The following C14orf39 variants were observed in gnomAD, a reference collection of about 807,000 sequenced individuals.
C14orf39 encodes protein SIX6OS1.
Under a neutral mutation model 85.6 loss-of-function variants are expected in C14orf39, and 66 were observed. That is an observed-to-expected ratio of 0.77 (90% CI 0.63 to 0.95). C14orf39 has a LOEUF of 0.95. Ranked by LOEUF, C14orf39 falls within the 40% of genes least tolerant of loss-of-function variation. The pLI, the probability that C14orf39 is intolerant of heterozygous loss-of-function variation, is 0.00. For missense variants in C14orf39, 735 were observed against 663.9 expected, an observed-to-expected ratio of 1.11 and a Z score of -1.18; for synonymous variants, 242 against 214.0, an observed-to-expected ratio of 1.13 and a Z score of -1.14.
intron 11 of C14orf39, among the ~76,000 whole-genome samples, chr14:60,464,186 T>G (rs1397177191): frequency 6.6e-6 from 1 of 152,174 alleles, no homozygotes; most frequent in Non-Finnish European, 1.5e-5. Flanking sequence ...GGTTACCTTC[T>G]GACCATGAAG....
At chr14:60,450,067 G>T (rs1197586221) in intron 16 of C14orf39, among the ~76,000 whole-genome samples, 1 of 152,190 alleles carries the variant, frequency 6.6e-6, no homozygotes, top group East Asian at 1.9e-4. Context: ...TCTGAGAGGT[G>T]CTGGCTTCAG....
chr14:60,442,822 A>G (rs1890585850), intron 16 of C14orf39, among the ~76,000 whole-genome samples: 1 of 152,176 alleles, frequency 6.6e-6, no homozygotes, highest in Admixed American at 6.5e-5. Flanking sequence ...CTGTTTTCTC[A>G]TAGATTTTAT....
intron 4 of C14orf39, among the ~76,000 whole-genome samples, chr14:60,479,184 T>C (rs926750342): frequency 1.3e-5 from 2 of 152,184 alleles, no homozygotes; most frequent in Admixed American, 1.3e-4. Flanking sequence ...GATGTTACTA[T>C]AATTATACAT....
chr14:60,474,386 A>T (rs139470301), intron 5 of C14orf39, among the ~76,000 whole-genome samples: 1 of 103,494 alleles, frequency 9.7e-6, no homozygotes, highest in East Asian at 3.0e-4. Context: ...ATTGAATACC[A>T]TTTATTTCTT....
At position 60,466,885 on chromosome 14, in the gene C14orf39, T is replaced by A. The variant is rs1217744335; in HGVS notation, c.895+32A>T. 8 of 1,446,060 alleles carry A rather than the reference T, an allele frequency of 5.5e-6. No individual in the cohort carries two copies. In the Admixed American group the frequency reaches 2.0e-4, roughly 35 times the overall value. The allele number at this position is 1,446,060 out of a possible 1,614,324, so 89.6% of individuals were successfully genotyped here. On this transcript the variant is annotated intron_variant, in intron 10 of 17. Coordinates refer to ENST00000321731, the MANE Select transcript of C14orf39 (RefSeq NM_174978.3). Reference sequence around the variant, plus strand: ...TTCTTCTGTGTGTTTGCAAAAAAAATGATGTTTTTGAATAACAAACAGATA... The same window carrying A: ...TTCTTCTGTGTGTTTGCAAAAAAAAAGATGTTTTTGAATAACAAACAGATA...
intron 9 of C14orf39, 117 bp from the exon 10 acceptor site, chr14:60,467,161 A>G (rs910359916): frequency 4.7e-6 from 2 of 426,548 alleles, no homozygotes; most frequent in African/African-American, 4.1e-5. Context: ...AGATAATAAA[A>G]CTGAGTTCCA....
At chr14:60,477,856 AG>A (rs1426634424) in intron 5 of C14orf39, among the ~76,000 whole-genome samples, 1 of 152,088 alleles carries the variant, frequency 6.6e-6, no homozygotes, top group Non-Finnish European at 1.5e-5. Flanking sequence ...ACTGCACCCA[AG>A]GAGTCCAAAA....
chr14:60,456,198 A>C (rs1475238619), intron 15 of C14orf39, among the ~76,000 whole-genome samples: 1 of 152,098 alleles, frequency 6.6e-6, no homozygotes. Context: ...AAGATAATGG[A>C]CTAAACATAA....
At chr14:60,481,148 T>A (rs1282546300) in intron 4 of C14orf39, among the ~76,000 whole-genome samples, 2 of 152,202 alleles carry the variant, frequency 1.3e-5, no homozygotes, top group African/African-American at 4.8e-5. Context: ...AGGTGATGAA[T>A]ATCTTAATTA....
chr14:60,442,280 A>G (rs1890556897), intron 16 of C14orf39, 149 bp from the exon 17 acceptor site: 2 of 470,856 alleles, frequency 4.2e-6, no homozygotes. Flanking sequence ...TTATACTTAA[A>G]AAGATCTATC....
intron 5 of C14orf39, among the ~76,000 whole-genome samples, 173 bp from the exon 6 acceptor site, chr14:60,471,912 C>T (rs1892104325): frequency 1.3e-5 from 2 of 151,976 alleles, no homozygotes; most frequent in Admixed American, 6.6e-5. Context: ...CACTTCTCAA[C>T]TTGACTCTTT....
chr14:60,458,637 G>T, intron 14 of C14orf39, 41 bp downstream of exon 14: 1 of 1,413,360 alleles, frequency 7.1e-7, no homozygotes, highest in South Asian at 1.2e-5. Flanking sequence ...TTTTAAATTG[G>T]AATTTTTGCT....
At chr14:60,441,182 C>T (rs117406257) in intron 17 of C14orf39, among the ~76,000 whole-genome samples, 1 of 152,196 alleles carries the variant, frequency 6.6e-6, no homozygotes, top group Non-Finnish European at 1.5e-5. Context: ...TGAGACTGCA[C>T]CTGAATTAGA....
intron 13 of C14orf39, among the ~76,000 whole-genome samples, chr14:60,460,062 G>A (rs1222089083): frequency 6.6e-6 from 1 of 151,492 alleles, no homozygotes; most frequent in Non-Finnish European, 1.5e-5. Flanking sequence ...TCTTCTGAGA[G>A]CTTTATAGTT....
chr14:60,467,539 C>T (rs1411312676), intron 9 of C14orf39, among the ~76,000 whole-genome samples: 1 of 151,744 alleles, frequency 6.6e-6, no homozygotes, highest in East Asian at 1.9e-4. Context: ...ATAGAATAAA[C>T]AGTGTCAGAA....
At chr14:60,440,694 A>G (rs1890469939) in intron 17 of C14orf39, among the ~76,000 whole-genome samples, 1 of 152,186 alleles carries the variant, frequency 6.6e-6, no homozygotes, top group South Asian at 2.1e-4. Context: ...ACTCAGAAAA[A>G]AAACCCTAAG....
chr14:60,490,896 C>T (rs1377381218), upstream of C14orf39, among the ~76,000 whole-genome samples: 1 of 152,214 alleles, frequency 6.6e-6, no homozygotes, highest in African/African-American at 2.4e-5. Context: ...CTAGGGCACA[C>T]TTGCTGGTGT....
chr14:60,486,391 T>C (rs1051348341), upstream of C14orf39, among the ~76,000 whole-genome samples: 6 of 152,232 alleles, frequency 3.9e-5, no homozygotes, highest in South Asian at 2.1e-4. Context: ...AAAATTGATA[T>C]TAACTTTTAA....
rs748127222 is a variant in C14orf39, at chr14:60,471,785, T to A, written c.324-46A>T. The A allele has an allele frequency of 6.7e-6, 8 of 1,192,730 alleles. No homozygotes were observed. The Admixed American group carries it at 2.0e-4, about 30-fold the overall frequency. 73.9% of individuals were successfully genotyped at this position (1,192,730 alleles called of 1,614,324 possible). On this transcript the variant is annotated intron_variant, in intron 5 of 17. Coordinates refer to ENST00000321731, the MANE Select transcript of C14orf39 (RefSeq NM_174978.3). ...GATGTTTATATAACAACAACAGATC[T>A]AAAAACTTTGTGAATACACTGTTAA...
Sources: gnomAD v4.1 joint callset for allele counts (sites outside exome capture counted in the v4.1 genomes callset) on GRCh38, gnomAD v4.1.1 for gene constraint, MANE v1.5 for transcripts, NCBI Gene and HGNC (gene_info 2026-07-23, HGNC 2026-07-21) for gene names.